Variants in SEZ6 observed in about 807,000 individuals in gnomAD.
SEZ6 encodes the protein seizure protein 6 homolog.
SEZ6 carries 53 observed loss-of-function variants against 101.0 expected under a neutral mutation model. The ratio of observed to expected loss-of-function variants is 0.52; its 90% CI spans 0.42 to 0.66. The LOEUF is 0.66. Among genes scored for constraint, SEZ6 ranks in the 30% least tolerant of loss-of-function variants. SEZ6 has a pLI of 0.00. For synonymous variants in SEZ6, 488 were observed against 512.2 expected (o/e 0.95, Z 0.64); for missense variants, 1,102 against 1,289.4 (o/e 0.85, Z 2.23).
At chr17:28,957,910 T>C (rs1309850268) in intron 11 of SEZ6, 37 bp downstream of exon 11, 2 of 1,591,266 alleles carry the variant, frequency 1.3e-6, no homozygotes, top group South Asian at 2.2e-5. Context: ...TTGGAGTTTG[T>C]GTTGGGAAGG....
chr17:28,961,167 C>T (rs1250001363), intron 5 of SEZ6, among the ~76,000 whole-genome samples, 194 bp from the exon 6 acceptor site: 1 of 152,130 alleles, frequency 6.6e-6, no homozygotes, highest in Non-Finnish European at 1.5e-5. Flanking sequence ...GCAGCCTGAG[C>T]TCCAGAATCC....
In SEZ6 at chr17:28,959,408, G is replaced by A; in HGVS notation, c.1836C>T (p.Pro612=). The change falls in exon 9 of 17, where the codon CCC becomes CCT. Residue 612 remains proline, a synonymous_variant. Coordinates refer to ENST00000317338, the MANE Select transcript of SEZ6 (RefSeq NM_178860.5). The surrounding 1 kb of genome is among the most constrained non-coding windows in gnomAD (Gnocchi z 4.4). ...GVVLSPNWPE[P]YGRGQDCIWG... Reference sequence around the variant, plus strand: ...AGATACAATCCTGCCCACGACCGTAGGGCTCTGGCCAGTTGGGAGAGAGTA... The same window carrying A: ...AGATACAATCCTGCCCACGACCGTAAGGCTCTGGCCAGTTGGGAGAGAGTA... The A allele has an allele frequency of 6.2e-7, 1 of 1,613,948 alleles. No individual in the cohort carries two copies.
chr17:29,004,941 C>G (rs1357747575), intron 1 of SEZ6, among the ~76,000 whole-genome samples: 1 of 152,172 alleles, frequency 6.6e-6, no homozygotes, highest in South Asian at 2.1e-4. Flanking sequence ...AGTTGGGGAC[C>G]AGACTCCTAG....
intron 10 of SEZ6, 80 bp downstream of exon 10, chr17:28,958,945 T>A: frequency 6.9e-7 from 1 of 1,441,826 alleles, no homozygotes; most frequent in Non-Finnish European, 9.3e-7. Context: ...GAGACAGCAT[T>A]CAGGCACCTC....
At chr17:28,996,695 C>A (rs2041547930) in intron 1 of SEZ6, among the ~76,000 whole-genome samples, 1 of 152,116 alleles carries the variant, frequency 6.6e-6, no homozygotes, top group African/African-American at 2.4e-5. Flanking sequence ...CACTCAAGGA[C>A]AGGTGAACGA....
chr17:28,957,845 T>C, intron 11 of SEZ6, 102 bp downstream of exon 11: 3 of 1,341,494 alleles, frequency 2.2e-6, no homozygotes. Context: ...TGAAGGAACT[T>C]TGAAGATACT....
chr17:28,975,671 C>T (rs2041211159), intron 3 of SEZ6, among the ~76,000 whole-genome samples: 1 of 152,204 alleles, frequency 6.6e-6, no homozygotes, highest in South Asian at 2.1e-4. Context: ...TCCAGAAATT[C>T]CACCCAACTG....
Position 29,005,954 on chromosome 17 carries a change from G to T in SEZ6, c.-85C>A, listed in dbSNP as rs1251976624. The T allele has an allele frequency of 1.1e-5, 13 of 1,190,336 alleles. No individual in the cohort carries two copies. The highest frequency in any genetic ancestry group is 9.6e-5 in the African/African-American group (6 of 62,358). 73.7% of individuals were successfully genotyped at this position (1,190,336 alleles called of 1,614,324 possible). A position where few individuals can be genotyped will look rare whatever the true frequency, so the allele number is the denominator to read the frequency against. ...GGGGCTTGGGCGCGGGGGCAGAGCC[G>T]GGTCCGGCCGGGTAGAGGGAGCGGG... On this transcript the variant is annotated 5_prime_UTR_variant, in exon 1 of 17. Coordinates refer to ENST00000317338, the MANE Select transcript of SEZ6 (RefSeq NM_178860.5). This position sits in a 1 kb window ranked among gnomAD's most constrained non-coding sequence, Gnocchi z 4.8.
intron 4 of SEZ6, 64 bp from the exon 5 acceptor site, chr17:28,964,211 G>T (rs965834087): frequency 4.7e-6 from 7 of 1,486,612 alleles, no homozygotes; most frequent in African/African-American, 1.4e-5. Context: ...CTGGGCCATT[G>T]GTTGGGGGAG....
intron 4 of SEZ6, among the ~76,000 whole-genome samples, chr17:28,968,996 T>G (rs2041111346): frequency 6.6e-6 from 1 of 152,236 alleles, no homozygotes. Flanking sequence ...ATGAAGCATG[T>G]GCTAAGCACT....
rs759743531 is a variant in SEZ6, at chr17:28,958,040, G to A, written c.2209C>T (p.Gln737Ter). ...ACTACCTGGTAGCCAGGGTAGCACT[G>A]GTAAGTGACCACGGTGCCGTGCACT... is the stretch of plus-strand genomic sequence containing the variant. ...ELVHGTVVTY[Q>*]CYPGYQVVGS... Residue 737 changes from glutamine (Q) to a stop codon, truncating the protein, a stop_gained, in exon 11 of 17, where the codon CAG becomes TAG. Coordinates refer to ENST00000317338, the MANE Select transcript of SEZ6 (RefSeq NM_178860.5). LOFTEE classifies it high-confidence loss of function. 6.2e-7 allele frequency: 1 copy of A among 1,613,898 alleles called. No homozygotes were observed. The highest frequency in any genetic ancestry group is 8.5e-7 in the Non-Finnish European group (1 of 1,179,808).
At chr17:28,979,094 G>A (rs1410983075) in intron 3 of SEZ6, among the ~76,000 whole-genome samples, 1 of 152,142 alleles carries the variant, frequency 6.6e-6, no homozygotes, top group Non-Finnish European at 1.5e-5. Context: ...AGGTTGAGGA[G>A]CCTGTGGGAC....
intron 5 of SEZ6, among the ~76,000 whole-genome samples, chr17:28,961,222 T>G (rs2040973393): frequency 6.6e-6 from 1 of 152,032 alleles, no homozygotes; most frequent in Non-Finnish European, 1.5e-5. Context: ...AGGGTAACTC[T>G]CTTGACTGTG....
chr17:28,976,180 C>T (rs146131685), intron 3 of SEZ6, among the ~76,000 whole-genome samples: 1 of 152,356 alleles, frequency 6.6e-6, no homozygotes, highest in Non-Finnish European at 1.5e-5. Context: ...TCAATAACTG[C>T]AGCACCATCA....
intron 1 of SEZ6, among the ~76,000 whole-genome samples, chr17:28,997,868 G>C (rs1197903037): frequency 6.6e-6 from 1 of 152,126 alleles, no homozygotes; most frequent in African/African-American, 2.4e-5. Flanking sequence ...CTGACTCCCT[G>C]ACCAGCCTTC....
In SEZ6 at chr17:28,956,361, G is replaced by A; in HGVS notation, c.2838C>T (p.Phe946=). ...GAAGCCAGACTCACCTGGAGAAGTA[G>A]AAGTATACACCTCCTACCAACAACA... The part of the protein sequence containing the change: ...AMVLLVGGVY[F]YFSRLQGKSS... Residue 946 remains phenylalanine (F), a synonymous_variant, in exon 15 of 17, where the codon TTC becomes TTT. Coordinates refer to ENST00000317338, the MANE Select transcript of SEZ6 (RefSeq NM_178860.5). 2 of 1,573,328 alleles carry A rather than the reference G, an allele frequency of 1.3e-6. No homozygotes were observed. The highest frequency in any genetic ancestry group is 2.3e-5 in the East Asian group (1 of 42,926).
intron 1 of SEZ6, among the ~76,000 whole-genome samples, chr17:28,993,154 CT>C (rs1301215930): frequency 6.6e-6 from 1 of 152,118 alleles, no homozygotes; most frequent in Admixed American, 6.5e-5. Flanking sequence ...AATAATCAAT[CT>C]GCTGTACCTC....
Position 28,981,415 on chromosome 17 carries a change from G to A in SEZ6, c.680C>T (p.Thr227Ile). 1 of 1,555,080 alleles carries A rather than the reference G, an allele frequency of 6.4e-7. No individual in the cohort carries two copies. Among genetic ancestry groups the A allele is most frequent in the Admixed American group, 1.9e-5 (1 of 51,336 alleles). ...GATGGTGGTGGTGATGATGGTGGTG[G>A]TAGTGGTGGTCTCCTCATCATCTCC... ...ASGDDEETTT[T>I]TTIITTTITT... Residue 227 changes from threonine (T) to isoleucine (I), a missense_variant, in exon 2 of 17, where the codon ACC becomes ATC. By Grantham distance (89) the Thr-to-Ile change is moderately conservative. Transcript: ENST00000317338.
intron 2 of SEZ6, among the ~76,000 whole-genome samples, chr17:28,980,976 A>G (rs974321982): frequency 4.0e-5 from 6 of 151,764 alleles, no homozygotes; most frequent in Non-Finnish European, 8.8e-5. Context: ...GCTCACTGCA[A>G]CCTCTGCCTC....
Sources: allele counts gnomAD v4.1 joint callset (sites outside exome capture counted in the v4.1 genomes callset), GRCh38; gene constraint gnomAD v4.1.1; non-coding constraint Gnocchi (gnomAD v3.1); transcripts MANE v1.5; gene names NCBI Gene and HGNC (gene_info 2026-07-23, HGNC 2026-07-21).